Variants in PTPRD observed in about 807,000 individuals in gnomAD.
PTPRD encodes receptor-type tyrosine-protein phosphatase delta.
Under a neutral mutation model 214.5 loss-of-function variants are expected in PTPRD, and 34 were observed. That is an observed-to-expected ratio of 0.16 (90% CI 0.12 to 0.21). PTPRD has a LOEUF of 0.21. Ranked by LOEUF, PTPRD falls within the 10% of genes least tolerant of loss-of-function variation. The pLI is 1.00. For missense variants in PTPRD, 2,545 were observed against 2,398.7 expected, an observed-to-expected ratio of 1.06 and a Z score of -1.27; for synonymous variants, 1,128 against 845.7, an observed-to-expected ratio of 1.33 and a Z score of -5.79.
chr9:8,769,645 T>C (rs2095045264), intron 11 of PTPRD, among the ~76,000 whole-genome samples: 1 of 152,086 alleles, frequency 6.6e-6, no homozygotes, highest in Non-Finnish European at 1.5e-5. Flanking sequence ...CAGCCCTCAG[T>C]GTAAAAATGT....
intron 4 of PTPRD, among the ~76,000 whole-genome samples, chr9:10,024,980 A>C (rs1398917334): frequency 6.6e-6 from 1 of 151,790 alleles, no homozygotes; most frequent in South Asian, 2.1e-4. Flanking sequence ...TTATGGATGC[A>C]TAGTATTCCA....
rs1821188774 is a variant in PTPRD, at chr9:8,315,551, A to G, written c.*2323T>C. 4.3e-6 allele frequency: 1 copy of G among 231,128 alleles called. No individual in the cohort carries two copies. Among genetic ancestry groups the G allele is most frequent in the African/African-American group, 2.2e-5 (1 of 45,184 alleles). The allele number at this position is 231,128 out of a possible 1,614,324, so 14.3% of individuals were successfully genotyped here. A position where few individuals can be genotyped will look rare whatever the true frequency, so the allele number is the denominator to read the frequency against. On this transcript the variant is annotated 3_prime_UTR_variant, in exon 46 of 46. Coordinates refer to ENST00000381196, the MANE Select transcript of PTPRD (RefSeq NM_002839.4). The stretch of plus-strand genomic sequence containing the variant: ...AAGAAAATAATGATAACAGACCCAC[A>G]TAGTGCACATTCTTCTCTGGTTCTG...
At chr9:8,598,359 G>T (rs529592733) in intron 14 of PTPRD, among the ~76,000 whole-genome samples, 1 of 152,162 alleles carries the variant, frequency 6.6e-6, no homozygotes, top group Non-Finnish European at 1.5e-5. Context: ...TACTCGGGAG[G>T]CTGAGGCAGG....
intron 11 of PTPRD, among the ~76,000 whole-genome samples, chr9:8,857,389 C>G (rs1440290692): frequency 1.3e-5 from 2 of 152,202 alleles, no homozygotes; most frequent in African/African-American, 2.4e-5. Context: ...CCCCCATTCT[C>G]TAGAGTCGCC....
chr9:9,137,657 A>G (rs1182237350), intron 10 of PTPRD, among the ~76,000 whole-genome samples: 1 of 152,184 alleles, frequency 6.6e-6, no homozygotes, highest in Admixed American at 6.5e-5. Context: ...TTACTATAAC[A>G]AATTTATTAA....
intron 22 of PTPRD, among the ~76,000 whole-genome samples, chr9:8,506,610 C>T (rs1245576147): frequency 2.0e-5 from 3 of 152,050 alleles, no homozygotes; most frequent in Admixed American, 2.0e-4. Flanking sequence ...TACGTCAAAT[C>T]GATTAATAAG....
chr9:8,715,051 C>T (rs1034835109), intron 12 of PTPRD, among the ~76,000 whole-genome samples: 1 of 150,470 alleles, frequency 6.6e-6, no homozygotes, highest in African/African-American at 2.4e-5. Context: ...ACAAGACATT[C>T]AAGAAGAAAG....
At chr9:8,769,661 T>C (rs947759201) in intron 11 of PTPRD, among the ~76,000 whole-genome samples, 4 of 152,160 alleles carry the variant, frequency 2.6e-5, no homozygotes, top group African/African-American at 9.7e-5. Flanking sequence ...AATGTAATGG[T>C]TCTACTGTGA....
intron 10 of PTPRD, among the ~76,000 whole-genome samples, chr9:9,032,000 T>C (rs2099607096): frequency 1.3e-5 from 2 of 150,334 alleles, no homozygotes; most frequent in Non-Finnish European, 3.0e-5. Flanking sequence ...GGTTAGGTTT[T>C]ATTTGAACTC....
intron 22 of PTPRD, 78 bp from the exon 23 acceptor site, chr9:8,504,483 A>T: frequency 1.3e-6 from 2 of 1,489,692 alleles, no homozygotes; most frequent in Non-Finnish European, 1.9e-6. Context: ...CTGGACCATC[A>T]GATTTCTATC....
intron 9 of PTPRD, among the ~76,000 whole-genome samples, chr9:9,242,278 T>A (rs1594366326): frequency 6.6e-6 from 1 of 152,152 alleles, no homozygotes; most frequent in East Asian, 1.9e-4. Context: ...GCCCTTAACA[T>A]TTTTTCCTTC....
intron 11 of PTPRD, among the ~76,000 whole-genome samples, chr9:8,961,847 C>T (rs939453450): frequency 5.3e-5 from 8 of 152,110 alleles, no homozygotes; most frequent in African/African-American, 1.9e-4. Flanking sequence ...CCCCATGTGA[C>T]AGTTTAGAAA....
intron 2 of PTPRD, among the ~76,000 whole-genome samples, chr9:10,381,594 C>A (rs1374903421): frequency 1.3e-5 from 2 of 151,968 alleles, no homozygotes; most frequent in African/African-American, 2.4e-5. Flanking sequence ...GTTAGTCTAA[C>A]CTGTTATCTG....
chr9:9,293,391 T>G (rs948167221), intron 9 of PTPRD, among the ~76,000 whole-genome samples: 4 of 148,810 alleles, frequency 2.7e-5, no homozygotes, highest in Non-Finnish European at 4.5e-5. Flanking sequence ...TGTTTGTTCT[T>G]TTTTTTTTTG....
intron 5 of PTPRD, among the ~76,000 whole-genome samples, chr9:9,866,521 A>G (rs773270074): frequency 1.5e-4 from 23 of 152,156 alleles, no homozygotes; most frequent in Non-Finnish European, 2.6e-4. Flanking sequence ...ATTTATATCA[A>G]AAAGAAACAG....
intron 12 of PTPRD, among the ~76,000 whole-genome samples, chr9:8,725,588 G>A (rs1471616839): frequency 1.3e-5 from 2 of 152,194 alleles, no homozygotes; most frequent in South Asian, 2.1e-4. Context: ...CTTCTAATTT[G>A]GAAATGACAC....
chr9:8,502,442 T>C (rs994851029), intron 23 of PTPRD, among the ~76,000 whole-genome samples: 4 of 152,090 alleles, frequency 2.6e-5, no homozygotes, highest in East Asian at 1.9e-4. Flanking sequence ...TCTTTCTTAA[T>C]GTACGTGCCT....
At chr9:9,317,486 T>G (rs1392464680) in intron 9 of PTPRD, among the ~76,000 whole-genome samples, 1 of 152,080 alleles carries the variant, frequency 6.6e-6, no homozygotes, top group Non-Finnish European at 1.5e-5. Flanking sequence ...CAATTAGGGA[T>G]GAAGTTCTGT....
chr9:9,706,993 G>C lies in PTPRD; in HGVS notation c.-287+27540C>G, dbSNP rs375155105. Among the ~76,000 whole-genome samples the C allele has an allele frequency of 1.1e-3, 171 of 152,210 alleles. 2 individuals are homozygous for C. Among genetic ancestry groups the C allele is most frequent in the African/African-American group, 4.0e-3 (165 of 41,540 alleles). ...TATCAGCAAAGATAAAATAGAATAA[G>C]TTAAAAGTATAGAAGTGAAAAATAC... On this transcript the variant is annotated intron_variant, in intron 7 of 45. Transcript: ENST00000381196.
Sources: allele counts gnomAD v4.1 joint callset (sites outside exome capture counted in the v4.1 genomes callset), GRCh38; gene constraint gnomAD v4.1.1; transcripts MANE v1.5; gene names NCBI Gene and HGNC (gene_info 2026-07-23, HGNC 2026-07-21).